Variants in CLEC16A observed in about 807,000 individuals in gnomAD.
The protein encoded by CLEC16A is C-type lectin domain containing 16A.
In CLEC16A, 51 loss-of-function variants were observed where a neutral mutation model predicts 109.5. The ratio of observed to expected loss-of-function variants is 0.47; its 90% CI spans 0.37 to 0.59. The LOEUF (loss-of-function observed/expected upper bound fraction) is 0.59. Ranked by LOEUF, CLEC16A falls within the 20% of genes least tolerant of loss-of-function variation. The probability of loss-of-function intolerance (pLI) is 0.00; values close to 1 mark genes in which losing one functional copy is unlikely to be tolerated. For missense variants in CLEC16A, 1,339 were observed against 1,394.0 expected (o/e 0.96, Z 0.63); for synonymous variants, 673 against 564.2 (o/e 1.19, Z -2.73).
At chr16:11,021,453 C>T (rs1218650794) in intron 12 of CLEC16A, among the ~76,000 whole-genome samples, 1 of 152,110 alleles carries the variant, frequency 6.6e-6, no homozygotes, top group African/African-American at 2.4e-5. Context: ...AGAAGAGCCC[C>T]AAATAACCAG....
At chr16:11,006,466 T>G (rs1055592980) in intron 11 of CLEC16A, among the ~76,000 whole-genome samples, 12 of 152,166 alleles carry the variant, frequency 7.9e-5, no homozygotes, top group African/African-American at 2.9e-4. Flanking sequence ...TCTTCCACAT[T>G]ATTTCTTCTC....
intron 22 of CLEC16A, among the ~76,000 whole-genome samples, chr16:11,164,585 C>T (rs145487501): frequency 6.6e-6 from 1 of 152,202 alleles, no homozygotes; most frequent in South Asian, 2.1e-4. Flanking sequence ...GGGTGTCATC[C>T]CCTGCACCAG....
At chr16:11,106,836 A>T (rs151029452) in intron 19 of CLEC16A, among the ~76,000 whole-genome samples, 3 of 152,354 alleles carry the variant, frequency 2.0e-5, no homozygotes, top group African/African-American at 7.2e-5. Flanking sequence ...AACTGAAGCA[A>T]AGTCACATGC....
chr16:11,127,090 A>G (rs889317000), intron 22 of CLEC16A, among the ~76,000 whole-genome samples: 2 of 152,248 alleles, frequency 1.3e-5, no homozygotes, highest in Non-Finnish European at 2.9e-5. Flanking sequence ...CAAATGAAAA[A>G]TAAGTCTACT....
At chr16:11,057,409 C>T (rs924600089) in intron 18 of CLEC16A, among the ~76,000 whole-genome samples, 1 of 152,256 alleles carries the variant, frequency 6.6e-6, no homozygotes, top group South Asian at 2.1e-4. Context: ...TTCCAGAACA[C>T]AAGCCTGGGC....
At position 11,090,387 on chromosome 16, in the gene CLEC16A, T is replaced by C. The variant is rs79508981; in HGVS notation, c.2116+29365T>C. 8.0e-3 allele frequency among the ~76,000 whole-genome samples: 1,225 copies of C among 152,258 alleles called. 20 individuals are homozygous for C. Among genetic ancestry groups the C allele is most frequent in the African/African-American group, 0.028 (1,167 of 41,538 alleles). ...TGTTTGTGGATTCATGGAATGATTC[T>C]TAGGGGCCATTGTCAGGAAAGGGAC... is the stretch of plus-strand genomic sequence containing the variant. On this transcript the variant is annotated intron_variant, in intron 19 of 23. Coordinates refer to ENST00000409790, the MANE Select transcript of CLEC16A (RefSeq NM_015226.3).
In CLEC16A at chr16:11,115,440, C is replaced by T. The variant is rs963889810; in HGVS notation, c.2117-5175C>T. ...AGACCGGAGTTCAGTGGTGTGATCA[C>T]GGCTCTCTATAGCCTCAACCTCCCT... On this transcript the variant is annotated intron_variant, in intron 19 of 23. Transcript: ENST00000409790. Among the ~76,000 whole-genome samples the T allele has an allele frequency of 4.6e-5, 7 of 152,140 alleles. No individual in the cohort carries two copies. In the South Asian group the frequency reaches 8.3e-4, roughly 18 times the overall value.
chr16:11,097,543 G>A (rs12928537), intron 19 of CLEC16A, among the ~76,000 whole-genome samples: 50,667 of 152,036 alleles, frequency 0.33, 8,499 homozygotes, highest in South Asian at 0.4. Context: ...TTAATGGCAA[G>A]GAGCACCGAC....
chr16:11,115,350 C>T (rs1464241790), intron 19 of CLEC16A, among the ~76,000 whole-genome samples: 2 of 152,074 alleles, frequency 1.3e-5, no homozygotes, highest in Non-Finnish European at 2.9e-5. Flanking sequence ...TAAAAGATTC[C>T]CACTGAGAAA....
At chr16:11,170,884 G>T (rs1357518016) in intron 23 of CLEC16A, among the ~76,000 whole-genome samples, 2 of 152,210 alleles carry the variant, frequency 1.3e-5, no homozygotes, top group Non-Finnish European at 2.9e-5. Context: ...TCTGACAGCC[G>T]ATGCAGAACA....
At chr16:10,994,366 T>C (rs567104378) in intron 10 of CLEC16A, among the ~76,000 whole-genome samples, 10 of 152,300 alleles carry the variant, frequency 6.6e-5, no homozygotes, top group African/African-American at 1.9e-4. Flanking sequence ...TGTCTATACA[T>C]CACCCTGGGG....
chr16:11,181,813 A>G lies in CLEC16A; in HGVS notation c.*3123A>G, dbSNP rs74009936. On this transcript the variant is annotated 3_prime_UTR_variant, in exon 24 of 24. Coordinates refer to ENST00000409790, the MANE Select transcript of CLEC16A (RefSeq NM_015226.3). ...AGGTGAAGAAGCGCAGCCCTGCCAG[A>G]CGCGCTAGATTCCTCTAAGGTCTCT... The G allele has an allele frequency of 1.9e-4, 29 of 152,770 alleles. No individual in the cohort carries two copies. The highest frequency in any genetic ancestry group is 6.5e-4 in the African/African-American group (27 of 41,588). The allele number at this position is 152,770 out of a possible 1,614,324, so 9.5% of individuals were successfully genotyped here.
At chr16:11,053,168 G>A (rs1295097951) in intron 18 of CLEC16A, among the ~76,000 whole-genome samples, 1 of 152,108 alleles carries the variant, frequency 6.6e-6, no homozygotes, top group East Asian at 1.9e-4. Context: ...TGAAATTACA[G>A]ACATGTACCA....
At chr16:11,093,171 T>C (rs1409003583) in intron 19 of CLEC16A, among the ~76,000 whole-genome samples, 1 of 152,200 alleles carries the variant, frequency 6.6e-6, no homozygotes, top group Non-Finnish European at 1.5e-5. Flanking sequence ...CACCCTCATC[T>C]CTTATGAATT....
At chr16:11,079,276 G>A (rs901002218) in intron 19 of CLEC16A, among the ~76,000 whole-genome samples, 1 of 152,204 alleles carries the variant, frequency 6.6e-6, no homozygotes, top group African/African-American at 2.4e-5. Context: ...TTTTGTTTCA[G>A]GCAGTCATAA....
intron 23 of CLEC16A, among the ~76,000 whole-genome samples, chr16:11,173,619 G>A (rs1444361253): frequency 1.3e-5 from 2 of 152,106 alleles, no homozygotes; most frequent in African/African-American, 4.8e-5. Flanking sequence ...TGCTGTTGGC[G>A]TCAGCGTGTG....
chr16:11,069,621 T>A (rs1301519643), intron 19 of CLEC16A, among the ~76,000 whole-genome samples: 2 of 151,536 alleles, frequency 1.3e-5, no homozygotes, highest in East Asian at 3.9e-4. Flanking sequence ...TTTTAATCTT[T>A]TGTAGAGACA....
intron 2 of CLEC16A, among the ~76,000 whole-genome samples, chr16:10,958,867 G>A (rs772032265): frequency 6.6e-6 from 1 of 152,130 alleles, no homozygotes; most frequent in Non-Finnish European, 1.5e-5. Flanking sequence ...TCTTGCCACT[G>A]CACTCCAGCC....
At chr16:10,955,509 G>T (rs1000795711) in intron 1 of CLEC16A, among the ~76,000 whole-genome samples, 1 of 152,160 alleles carries the variant, frequency 6.6e-6, no homozygotes, top group Non-Finnish European at 1.5e-5. Context: ...CATGGGGAAC[G>T]CTTTACCAAG....
Sources: allele counts gnomAD v4.1 joint callset (sites outside exome capture counted in the v4.1 genomes callset), GRCh38; gene constraint gnomAD v4.1.1; transcripts MANE v1.5; gene names NCBI Gene and HGNC (gene_info 2026-07-23, HGNC 2026-07-21).